MGAT4C: variants seen among roughly 807,000 people sequenced by gnomAD.
MGAT4C encodes alpha-1,3-mannosyl-glycoprotein 4-beta-N-acetylglucosaminyltransferase C.
MGAT4C carries 19 observed loss-of-function variants against 40.1 expected under a neutral mutation model. The ratio of observed to expected loss-of-function variants is 0.47; its 90% CI spans 0.33 to 0.70. The LOEUF is 0.70. Among genes scored for constraint, MGAT4C ranks in the 30% least tolerant of loss-of-function variants. The pLI, the probability that MGAT4C is intolerant of heterozygous loss-of-function variation, is 0.02. For synonymous variants in MGAT4C, 181 were observed against 187.1 expected (o/e 0.97, Z 0.27); for missense variants, 491 against 563.2 (o/e 0.87, Z 1.30).
At chr12:86,001,011 G>A (rs1320036933) in intron 2 of MGAT4C, among the ~76,000 whole-genome samples, 1 of 152,064 alleles carries the variant, frequency 6.6e-6, no homozygotes, top group Admixed American at 6.6e-5. Flanking sequence ...ATACACTTGG[G>A]AATTTCAATG....
intron 1 of MGAT4C, among the ~76,000 whole-genome samples, chr12:86,107,477 A>G (rs954405582): frequency 6.6e-5 from 10 of 152,230 alleles, no homozygotes; most frequent in East Asian, 3.8e-4. Flanking sequence ...CAAACAAAAT[A>G]TAACAGAATA....
intron 1 of MGAT4C, among the ~76,000 whole-genome samples, chr12:86,182,017 GTAC>G (rs374656136): frequency 2.0e-5 from 3 of 151,148 alleles, no homozygotes; most frequent in African/African-American, 2.5e-5. Context: ...CTACTGCATT[GTAC>G]TACATTTTGC....
chr12:86,310,244 T>C (rs1056029848), intron 4 of MGAT4C, among the ~76,000 whole-genome samples: 6 of 152,190 alleles, frequency 3.9e-5, no homozygotes, highest in African/African-American at 1.4e-4. Context: ...GTTTCATTTC[T>C]TTTTATTTTG....
At chr12:86,323,219 G>A (rs1183587203) in intron 4 of MGAT4C, among the ~76,000 whole-genome samples, 1 of 150,084 alleles carries the variant, frequency 6.7e-6, no homozygotes, top group African/African-American at 2.4e-5. Context: ...ATTTCTCATT[G>A]CAATCCTAAA....
chr12:86,222,471 G>C (rs1489590402), intron 1 of MGAT4C, among the ~76,000 whole-genome samples: 1 of 152,034 alleles, frequency 6.6e-6, no homozygotes, highest in African/African-American at 2.4e-5. Context: ...GTCTCTTATT[G>C]GCATATTGTT....
intron 2 of MGAT4C, among the ~76,000 whole-genome samples, chr12:86,566,650 T>C (rs1389989771): frequency 2.1e-5 from 3 of 144,816 alleles, no homozygotes; most frequent in African/African-American, 7.5e-5. Context: ...CATAAATGTA[T>C]ATAGGTATGT....
chr12:86,501,332 T>C (rs1958336825), intron 2 of MGAT4C, among the ~76,000 whole-genome samples: 1 of 152,014 alleles, frequency 6.6e-6, no homozygotes, highest in Non-Finnish European at 1.5e-5. Flanking sequence ...TGTATTGTTA[T>C]TTATTTTATT....
intron 1 of MGAT4C, among the ~76,000 whole-genome samples, chr12:86,099,842 T>G (rs1592936152): frequency 6.6e-6 from 1 of 151,586 alleles, no homozygotes; most frequent in Non-Finnish European, 1.5e-5. Context: ...ATTTTATGAT[T>G]TATTTTAAAA....
In MGAT4C at chr12:86,244,591, G is replaced by A. The variant is rs1592567335; in HGVS notation, c.-57+11648C>T. Among the ~76,000 whole-genome samples, 3 of 152,238 alleles carry A rather than the reference G, an allele frequency of 2.0e-5. 1 individual carries two copies. The South Asian group carries it at 6.2e-4, about 32-fold the overall frequency. On this transcript the variant is annotated intron_variant, in intron 1 of 4. Transcript: ENST00000611864. ...GCGCTAGCACTGCTGATACAGCAAT[G>A]GATACAACTTATAAAATCCCAAAAC...
At position 85,978,123 on chromosome 12, in the gene MGAT4C, T is replaced by C. The variant is rs900985660; in HGVS notation, c.*1166A>G. On this transcript the variant is annotated 3_prime_UTR_variant, in exon 5 of 5. Transcript: ENST00000611864. ...CAAAAAAGCATCATTTAGGACATTA[T>C]TTAGGATAATATTATTTATGCAGGA... is the stretch of plus-strand genomic sequence containing the variant. The C allele has an allele frequency of 2.0e-5, 3 of 151,570 alleles. No homozygotes were observed. Among genetic ancestry groups the C allele is most frequent in the African/African-American group, 7.3e-5 (3 of 41,362 alleles). 9.4% of individuals were successfully genotyped at this position (151,570 alleles called of 1,614,324 possible). A position where few individuals can be genotyped will look rare whatever the true frequency, so the allele number is the denominator to read the frequency against.
chr12:85,964,533 A>G lies in MGAT4C; in HGVS notation c.*14756T>C, dbSNP rs1883260219. The G allele has an allele frequency of 6.6e-6, 1 of 152,140 alleles. No homozygotes were observed. Among genetic ancestry groups the G allele is most frequent in the African/African-American group, 2.4e-5 (1 of 41,446 alleles). The allele number at this position is 152,140 out of a possible 1,614,324, so 9.4% of individuals were successfully genotyped here. A position where few individuals can be genotyped will look rare whatever the true frequency, so the allele number is the denominator to read the frequency against. On this transcript the variant is annotated 3_prime_UTR_variant, in exon 5 of 5. Coordinates refer to ENST00000611864, the MANE Select transcript of MGAT4C (RefSeq NM_001351288.2). ...ATTTTAAACTTAAGGGAATTCAGGT[A>G]AAGGAAATTGACTAGGTTAAGGCAA...
intron 3 of MGAT4C, among the ~76,000 whole-genome samples, chr12:86,376,865 AGAG>A (rs1299499169): frequency 1.1e-5 from 1 of 89,940 alleles, no homozygotes; most frequent in Non-Finnish European, 2.7e-5. Context: ...AGAGAGAGAG[AGAG>A]GAGAAAAAGA....
intron 1 of MGAT4C, among the ~76,000 whole-genome samples, chr12:86,108,636 A>C (rs768124730): frequency 1.3e-5 from 2 of 152,158 alleles, no homozygotes; most frequent in Non-Finnish European, 2.9e-5. Flanking sequence ...CACTTGGGTG[A>C]CTTCGTGTCC....
At chr12:86,430,072 T>C (rs1360034074) in intron 3 of MGAT4C, among the ~76,000 whole-genome samples, 1 of 152,188 alleles carries the variant, frequency 6.6e-6, no homozygotes, top group Non-Finnish European at 1.5e-5. Context: ...ATTACAGTCA[T>C]TGTATTCTTC....
In MGAT4C at chr12:86,251,138, T is replaced by A. The variant is rs865935404; in HGVS notation, c.-57+5101A>T. ...TAGGTACTTTTATTTCCCGTTTTTT[T>A]TTTTTTTTTTTATTATGAAGGCATG... On this transcript the variant is annotated intron_variant, in intron 1 of 4. Transcript: ENST00000611864. 7.5e-3 allele frequency among the ~76,000 whole-genome samples: 1,141 copies of A among 151,540 alleles called. 16 individuals carry two copies. The highest frequency in any genetic ancestry group is 0.025 in the African/African-American group (1,039 of 41,416).
Position 85,979,194 on chromosome 12 carries a change from A to C in MGAT4C, c.*95T>G. 1 of 945,848 alleles carries C rather than the reference A, an allele frequency of 1.1e-6. No homozygotes were observed. The highest frequency in any genetic ancestry group is 1.6e-6 in the Non-Finnish European group (1 of 634,708). 58.6% of individuals were successfully genotyped at this position (945,848 alleles called of 1,614,324 possible). A position where few individuals can be genotyped will look rare whatever the true frequency, so the allele number is the denominator to read the frequency against. On this transcript the variant is annotated 3_prime_UTR_variant, in exon 5 of 5. Coordinates refer to ENST00000611864, the MANE Select transcript of MGAT4C (RefSeq NM_001351288.2). Reference sequence around the variant, plus strand: ...CAATGTAATTAATGTTTCTTTTAACATATCCCATCCATTGCTTTCCCTCCA... The same window carrying C: ...CAATGTAATTAATGTTTCTTTTAACCTATCCCATCCATTGCTTTCCCTCCA...
intron 1 of MGAT4C, among the ~76,000 whole-genome samples, chr12:86,830,653 C>T (rs1459238213): frequency 2.0e-5 from 3 of 151,770 alleles, no homozygotes; most frequent in Non-Finnish European, 4.4e-5. Flanking sequence ...GTCAGCTTCT[C>T]TTAGCCTATT....
At chr12:86,201,166 A>G (rs1196015224) in intron 1 of MGAT4C, among the ~76,000 whole-genome samples, 1 of 152,128 alleles carries the variant, frequency 6.6e-6, no homozygotes, top group Non-Finnish European at 1.5e-5. Flanking sequence ...GTGTGAAGTT[A>G]TTTCCCCTAT....
chr12:86,352,557 T>A (rs1226960450), intron 3 of MGAT4C, among the ~76,000 whole-genome samples: 1 of 152,166 alleles, frequency 6.6e-6, no homozygotes, highest in Non-Finnish European at 1.5e-5. Flanking sequence ...TCCATATCAG[T>A]ACAAATTGTA....
Sources: gnomAD v4.1 joint callset for allele counts (sites outside exome capture counted in the v4.1 genomes callset) on GRCh38, gnomAD v4.1.1 for gene constraint, MANE v1.5 for transcripts, NCBI Gene and HGNC (gene_info 2026-07-23, HGNC 2026-07-21) for gene names.